Variants in MGAT4C observed in about 807,000 individuals in gnomAD.
MGAT4C encodes the protein MGAT4 family member C.
A neutral mutation model predicts 40.1 loss-of-function variants in MGAT4C; 19 were observed. The observed-to-expected ratio is 0.47, with a 90% CI of 0.33 to 0.70. The LOEUF is 0.70. Among genes scored for constraint, MGAT4C ranks in the 30% least tolerant of loss-of-function variants. The pLI, the probability that MGAT4C is intolerant of heterozygous loss-of-function variation, is 0.02. For missense variants in MGAT4C, 491 were observed against 563.2 expected (o/e 0.87, Z 1.30); for synonymous variants, 181 against 187.1 (o/e 0.97, Z 0.27).
chr12:86,620,776 G>A (rs1962611682), intron 2 of MGAT4C, among the ~76,000 whole-genome samples: 1 of 152,134 alleles, frequency 6.6e-6, no homozygotes, highest in Admixed American at 6.6e-5. Context: ...CATGGAGGCA[G>A]ATTTTTCCCT....
At chr12:86,192,902 T>C (rs1317999339) in intron 1 of MGAT4C, among the ~76,000 whole-genome samples, 2 of 152,172 alleles carry the variant, frequency 1.3e-5, no homozygotes, top group Non-Finnish European at 2.9e-5. Context: ...TTTCCTTGGA[T>C]AAGTTATTGT....
At chr12:86,489,759 T>A (rs1020481371) in intron 2 of MGAT4C, among the ~76,000 whole-genome samples, 2 of 151,726 alleles carry the variant, frequency 1.3e-5, no homozygotes, top group African/African-American at 4.8e-5. Context: ...TGCAAAGGAG[T>A]TAAGAAATTA....
At chr12:86,766,600 T>C (rs1446829251) in intron 1 of MGAT4C, among the ~76,000 whole-genome samples, 1 of 149,198 alleles carries the variant, frequency 6.7e-6, no homozygotes, top group Non-Finnish European at 1.5e-5. Flanking sequence ...TATTCCACAA[T>C]TGACCACATA....
At chr12:86,427,450 C>A (rs1468641739) in intron 3 of MGAT4C, among the ~76,000 whole-genome samples, 1 of 151,872 alleles carries the variant, frequency 6.6e-6, no homozygotes, top group Admixed American at 6.6e-5. Context: ...TGGTTCTGTA[C>A]TTAATGAAGC....
chr12:86,622,361 C>G (rs1345612917), intron 2 of MGAT4C, among the ~76,000 whole-genome samples: 2 of 152,074 alleles, frequency 1.3e-5, no homozygotes, highest in African/African-American at 4.8e-5. Flanking sequence ...CCTCAAGTCA[C>G]TACTAATTTC....
At chr12:86,695,526 A>G (rs1453148495) in intron 2 of MGAT4C, among the ~76,000 whole-genome samples, 1 of 152,234 alleles carries the variant, frequency 6.6e-6, no homozygotes, top group Non-Finnish European at 1.5e-5. Flanking sequence ...CTAAATGTCC[A>G]TCAACGTATG....
At chr12:86,411,657 T>G (rs1005165053) in intron 3 of MGAT4C, among the ~76,000 whole-genome samples, 14 of 152,054 alleles carry the variant, frequency 9.2e-5, no homozygotes, top group African/African-American at 3.1e-4. Context: ...TGTGGAAAAA[T>G]TGCAGCCTGG....
intron 4 of MGAT4C, among the ~76,000 whole-genome samples, chr12:86,262,156 C>A (rs191602496): frequency 4.1e-4 from 63 of 152,196 alleles, no homozygotes; most frequent in African/African-American, 1.4e-3. Context: ...TCTTCTCCAT[C>A]GCAAATGACA....
chr12:86,122,088 C>T (rs1490924692), intron 1 of MGAT4C, among the ~76,000 whole-genome samples: 4 of 152,070 alleles, frequency 2.6e-5, no homozygotes, highest in Admixed American at 2.6e-4. Flanking sequence ...ACTCGAGCTG[C>T]TATAATTATA....
At chr12:86,748,779 A>G (rs577489201) in intron 1 of MGAT4C, among the ~76,000 whole-genome samples, 91 of 151,648 alleles carry the variant, frequency 6.0e-4, no homozygotes, top group African/African-American at 2.0e-3. Flanking sequence ...TTACAAAGCC[A>G]TATCTTAAGA....
chr12:86,681,577 GA>G (rs200486153), intron 2 of MGAT4C, among the ~76,000 whole-genome samples: 1 of 147,986 alleles, frequency 6.8e-6, no homozygotes, highest in Non-Finnish European at 1.5e-5. Flanking sequence ...AGAGCAAAAA[GA>G]AAAAAAAAGA....
intron 3 of MGAT4C, among the ~76,000 whole-genome samples, chr12:86,344,882 A>G (rs1404995129): frequency 6.6e-6 from 1 of 152,056 alleles, no homozygotes; most frequent in Non-Finnish European, 1.5e-5. Context: ...TCCATCAAAC[A>G]TAAGGCTTGC....
chr12:86,319,796 T>C (rs138738423), intron 4 of MGAT4C, among the ~76,000 whole-genome samples: 9 of 152,274 alleles, frequency 5.9e-5, no homozygotes, highest in African/African-American at 2.2e-4. Flanking sequence ...CCTTTTCACA[T>C]CAAGTATCTG....
chr12:86,446,238 T>C (rs1957332724), intron 2 of MGAT4C, among the ~76,000 whole-genome samples: 1 of 152,038 alleles, frequency 6.6e-6, no homozygotes. Flanking sequence ...CATTTTTTCC[T>C]GATAATGAAA....
chr12:86,729,740 A>G (rs1950879257), intron 1 of MGAT4C, among the ~76,000 whole-genome samples: 1 of 152,098 alleles, frequency 6.6e-6, no homozygotes. Context: ...AAGCCCTGAA[A>G]AAATGTTGTA....
chr12:86,428,377 A>C (rs1956972545), intron 3 of MGAT4C, among the ~76,000 whole-genome samples: 1 of 152,124 alleles, frequency 6.6e-6, no homozygotes, highest in African/African-American at 2.4e-5. Flanking sequence ...GGAGCATAAT[A>C]GAAAAGAATC....
At chr12:86,559,667 C>T in intron 2 of MGAT4C, among the ~76,000 whole-genome samples, 1 of 151,796 alleles carries the variant, frequency 6.6e-6, no homozygotes, top group East Asian at 1.9e-4. Context: ...CTCAAAGGGA[C>T]TTTTATAAGA....
At chr12:86,240,002 C>T (rs1034799051) in intron 1 of MGAT4C, among the ~76,000 whole-genome samples, 21 of 143,046 alleles carry the variant, frequency 1.5e-4, no homozygotes, top group East Asian at 1.0e-3. Flanking sequence ...AATGTGCACA[C>T]GTACCCTAAA....
intron 2 of MGAT4C, among the ~76,000 whole-genome samples, chr12:86,649,713 A>C (rs982105643): frequency 7.2e-5 from 11 of 151,790 alleles, no homozygotes; most frequent in African/African-American, 2.4e-4. Context: ...TCTTATTTAA[A>C]TCTAAAGGCC....
Sources: gnomAD v4.1 joint callset for allele counts (sites outside exome capture counted in the v4.1 genomes callset) on GRCh38, gnomAD v4.1.1 for gene constraint, MANE v1.5 for transcripts, NCBI Gene and HGNC (gene_info 2026-07-23, HGNC 2026-07-21) for gene names.